Variants in MATN2 observed in about 807,000 individuals in gnomAD.
MATN2 encodes matrilin 2, also known as matrilin-2.
MATN2 carries 69 observed loss-of-function variants against 103.2 expected under a neutral mutation model. That is an observed-to-expected ratio of 0.67 (90% CI 0.55 to 0.82). The LOEUF (loss-of-function observed/expected upper bound fraction) is 0.82. Among genes scored for constraint, MATN2 ranks in the 40% least tolerant of loss-of-function variants. MATN2 has a pLI of 0.00. For missense variants in MATN2, 1,023 were observed against 1,211.5 expected (o/e 0.84, Z 2.31); for synonymous variants, 429 against 450.2 (o/e 0.95, Z 0.60).
intron 4 of MATN2, among the ~76,000 whole-genome samples, chr8:97,957,259 T>G (rs1811173755): frequency 6.6e-6 from 1 of 152,206 alleles, no homozygotes; most frequent in Non-Finnish European, 1.5e-5. Flanking sequence ...GACACAGTGC[T>G]TCTTATCCTT....
At chr8:97,993,596 A>G (rs2034780) in intron 6 of MATN2, among the ~76,000 whole-genome samples, 50,932 of 152,128 alleles carry the variant, frequency 0.33, 9,473 homozygotes, top group African/African-American at 0.5. Context: ...GTTTAAATTA[A>G]TGTATCCCTA....
At chr8:97,904,422 GA>G (rs1031492253) in intron 2 of MATN2, among the ~76,000 whole-genome samples, 1 of 152,154 alleles carries the variant, frequency 6.6e-6, no homozygotes, top group African/African-American at 2.4e-5. Context: ...TTTAATAGGG[GA>G]CATGTGATTC....
chr8:98,015,432 A>T (rs1440804873), intron 10 of MATN2, among the ~76,000 whole-genome samples: 1 of 152,090 alleles, frequency 6.6e-6, no homozygotes, highest in Non-Finnish European at 1.5e-5. Flanking sequence ...TGCTGGCCTC[A>T]TCCCCTGCCA....
At chr8:97,903,218 A>G in intron 2 of MATN2, among the ~76,000 whole-genome samples, 1 of 151,512 alleles carries the variant, frequency 6.6e-6, no homozygotes, top group East Asian at 1.9e-4. Context: ...GCTCCATGGA[A>G]CACACACATG....
At chr8:97,909,634 G>GCCACT (rs1819293248) in intron 2 of MATN2, among the ~76,000 whole-genome samples, 1 of 152,124 alleles carries the variant, frequency 6.6e-6, no homozygotes. Flanking sequence ...CAGCAGGGAG[G>GCCACT]CCAGTGTGGC....
intron 18 of MATN2, among the ~76,000 whole-genome samples, chr8:98,035,043 G>A (rs1814186966): frequency 6.6e-6 from 1 of 151,712 alleles, no homozygotes; most frequent in South Asian, 2.1e-4. Flanking sequence ...ACATACTGAG[G>A]CCTTGTCTCT....
intron 6 of MATN2, among the ~76,000 whole-genome samples, chr8:97,983,779 A>G (rs1812105551): frequency 6.6e-6 from 1 of 152,202 alleles, no homozygotes; most frequent in African/African-American, 2.4e-5. Context: ...CACTGAATGA[A>G]TATTTTTGTG....
chr8:97,966,134 G>A (rs1436738405), intron 5 of MATN2, among the ~76,000 whole-genome samples: 2 of 151,606 alleles, frequency 1.3e-5, no homozygotes, highest in Non-Finnish European at 2.9e-5. Context: ...CTCCAGCCTG[G>A]GCGACACAGC....
intron 2 of MATN2, among the ~76,000 whole-genome samples, chr8:97,919,357 C>T (rs577186078): frequency 3.9e-4 from 59 of 152,178 alleles, no homozygotes; most frequent in South Asian, 1.5e-3. Context: ...CTCAGCCTCC[C>T]GAGTAGCTGG....
At chr8:97,996,908 TAATATGA>T (rs1282280109) in intron 7 of MATN2, among the ~76,000 whole-genome samples, 3 of 152,216 alleles carry the variant, frequency 2.0e-5, no homozygotes, top group Non-Finnish European at 4.4e-5. Context: ...TTTTCAAATC[TAATATGA>T]AATCTATTTT....
chr8:97,910,873 A>G (rs1022966944), intron 2 of MATN2, among the ~76,000 whole-genome samples: 4 of 152,352 alleles, frequency 2.6e-5, no homozygotes, highest in East Asian at 1.9e-4. Flanking sequence ...CGTGTACAAC[A>G]TTTAGCATTA....
intron 1 of MATN2, among the ~76,000 whole-genome samples, chr8:97,876,832 T>C (rs886441237): frequency 6.6e-6 from 1 of 152,160 alleles, no homozygotes; most frequent in African/African-American, 2.4e-5. Context: ...TGTGGATACA[T>C]TTTTTCCATT....
At chr8:97,984,636 C>T (rs1429110020) in intron 6 of MATN2, among the ~76,000 whole-genome samples, 1 of 152,130 alleles carries the variant, frequency 6.6e-6, no homozygotes, top group Non-Finnish European at 1.5e-5. Flanking sequence ...TTCATAGGGT[C>T]CCCCGTGTTT....
rs373838712 is a variant in MATN2, at chr8:97,982,529, G to A, written c.1081+3521G>A. 2.6e-5 allele frequency among the ~76,000 whole-genome samples: 4 copies of A among 152,268 alleles called. No homozygotes were observed. Among genetic ancestry groups the A allele is most frequent in the Admixed American group, 6.5e-5 (1 of 15,296 alleles). On this transcript the variant is annotated intron_variant, in intron 6 of 18. Transcript: ENST00000254898. The surrounding 1 kb of genome is among the most constrained non-coding windows in gnomAD (Gnocchi z 4.3). ...TTTAACCAAAAGTATATTTGAAAGC[G>A]AATACAATTAGTAAGTGTGCAACTA...
chr8:97,931,611 C>A lies in MATN2; in HGVS notation c.712+89C>A. On this transcript the variant is annotated intron_variant, in intron 3 of 18. Coordinates refer to ENST00000254898, the MANE Select transcript of MATN2 (RefSeq NM_002380.5). This position sits in a 1 kb window ranked among gnomAD's most constrained non-coding sequence, Gnocchi z 4.1. ...GTGTTCATTCTGTGTTACTATGTCC[C>A]AGGTACTGTGCTGGCAATAGGTTTT... is the stretch of plus-strand genomic sequence containing the variant. The A allele has an allele frequency of 7.8e-7, 1 of 1,276,160 alleles. No homozygotes were observed. Among genetic ancestry groups the A allele is most frequent in the Non-Finnish European group, 1.1e-6 (1 of 935,988 alleles). 79.1% of individuals were successfully genotyped at this position (1,276,160 alleles called of 1,614,324 possible).
Position 97,914,537 on chromosome 8 carries a change from C to A in MATN2, c.143-16416C>A, listed in dbSNP as rs529290033. Reference sequence around the variant, plus strand: ...AGGCCTGCACCATTACACCCGGCTACTTTTTTTTTTTTAATCTATTGTAGA... The same window carrying A: ...AGGCCTGCACCATTACACCCGGCTAATTTTTTTTTTTTAATCTATTGTAGA... On this transcript the variant is annotated intron_variant, in intron 2 of 18. Transcript: ENST00000254898. Among the ~76,000 whole-genome samples, 443 of 144,480 alleles carry A rather than the reference C, an allele frequency of 3.1e-3. 2 individuals are homozygous for A. Among genetic ancestry groups the A allele is most frequent in the African/African-American group, 9.8e-3 (387 of 39,584 alleles). 94.8% of individuals were successfully genotyped at this position (144,480 alleles called of 152,430 possible).
chr8:98,028,602 T>C lies in MATN2; in HGVS notation c.2356+773T>C, dbSNP rs538878082. Among the ~76,000 whole-genome samples the C allele has an allele frequency of 5.9e-5, 9 of 152,222 alleles. No individual in the cohort carries two copies. The East Asian group carries it at 1.7e-3, about 29-fold the overall frequency. ...GTTTGCTTGAAAACTGCTTTTTTTT[T>C]TTGAGATGGAGGCTTGCTCTGTCAC... On this transcript the variant is annotated intron_variant, in intron 14 of 18. Transcript: ENST00000254898.
In MATN2 at chr8:98,027,698, T is replaced by C. The variant is rs772360582; in HGVS notation, c.2225T>C (p.Phe742Ser). Residue 742 changes from phenylalanine to serine, a missense_variant, in exon 14 of 19, where the codon TTT becomes TCT. Transcript: ENST00000254898. ...SMTGLALKHM[F>S]ERSFTQGEGA... ...ACTGGGCTGGCCCTGAAACACATGT[T>C]TGAGAGAAGTTTTACCCAAGGAGAA... The C allele has an allele frequency of 6.2e-7, 1 of 1,613,792 alleles. No individual in the cohort carries two copies. The highest frequency in any genetic ancestry group is 8.5e-7 in the Non-Finnish European group (1 of 1,179,832).
At chr8:97,928,339 G>A (rs527356070) in intron 2 of MATN2, among the ~76,000 whole-genome samples, 24 of 145,656 alleles carry the variant, frequency 1.6e-4, no homozygotes, top group South Asian at 1.1e-3. Flanking sequence ...TGATTCTCCC[G>A]CCTCAGCCTC....
Sources: gnomAD v4.1 joint callset for allele counts (sites outside exome capture counted in the v4.1 genomes callset) on GRCh38, gnomAD v4.1.1 for gene constraint, Gnocchi (gnomAD v3.1) non-coding constraint, MANE v1.5 for transcripts, NCBI Gene and HGNC (gene_info 2026-07-23, HGNC 2026-07-21) for gene names.